The following ST6GALNAC3 variants were observed in gnomAD, a reference collection of about 807,000 sequenced individuals.
The protein encoded by ST6GALNAC3 is alpha-N-acetylgalactosaminide alpha-2,6-sialyltransferase 3.
A neutral mutation model predicts 32.7 loss-of-function variants in ST6GALNAC3; 25 were observed. The ratio of observed to expected loss-of-function variants is 0.76; its 90% CI spans 0.56 to 1.07. The LOEUF is 1.07. Ranked by LOEUF, ST6GALNAC3 falls within the 50% of genes least tolerant of loss-of-function variation. The pLI is 0.00. For synonymous variants in ST6GALNAC3, 129 were observed against 133.1 expected (o/e 0.97, Z 0.21); for missense variants, 355 against 382.4 (o/e 0.93, Z 0.60).
chr1:76,215,060 T>C lies in ST6GALNAC3; in HGVS notation c.19-98745T>C, dbSNP rs55944362. ...GCCTGGAAGGTTTCTAGTAGAATGTTGTGGAGTGGTTCTTCACATTTAGCT... is the reference window on the plus strand; with the variant it reads ...GCCTGGAAGGTTTCTAGTAGAATGTCGTGGAGTGGTTCTTCACATTTAGCT... On this transcript the variant is annotated intron_variant, in intron 1 of 4. Coordinates refer to ENST00000328299, the MANE Select transcript of ST6GALNAC3 (RefSeq NM_152996.4). Among the ~76,000 whole-genome samples the C allele has an allele frequency of 7.5e-3, 1,146 of 152,330 alleles. 7 individuals carry two copies. The highest frequency in any genetic ancestry group is 0.012 in the Non-Finnish European group (810 of 68,034).
intron 3 of ST6GALNAC3, among the ~76,000 whole-genome samples, chr1:76,554,261 C>A (rs1247853097): frequency 6.6e-6 from 1 of 152,124 alleles, no homozygotes. Context: ...TGCCAACTGT[C>A]TCCATATTTG....
In ST6GALNAC3 at chr1:76,181,212, C is replaced by T. The variant is rs950448309; in HGVS notation, c.18+106328C>T. On this transcript the variant is annotated intron_variant, in intron 1 of 4. Transcript: ENST00000328299. Reference sequence around the variant, plus strand: ...AGGTCCTGTGAGAGTCAGGGAACCCCCCTGTTTCACCGTTGTTAATATTGA... The same window carrying T: ...AGGTCCTGTGAGAGTCAGGGAACCCTCCTGTTTCACCGTTGTTAATATTGA... Among the ~76,000 whole-genome samples the T allele has an allele frequency of 2.0e-5, 3 of 152,190 alleles. No homozygotes were observed. In the South Asian group the frequency reaches 6.2e-4, roughly 31 times the overall value.
intron 1 of ST6GALNAC3, among the ~76,000 whole-genome samples, chr1:76,211,799 C>A (rs1026820503): frequency 6.7e-6 from 1 of 149,270 alleles, no homozygotes; most frequent in African/African-American, 2.5e-5. Flanking sequence ...GTGGGGGGAG[C>A]GGGGAGGGAT....
chr1:76,583,813 A>G (rs949626288), intron 3 of ST6GALNAC3, among the ~76,000 whole-genome samples: 2 of 152,190 alleles, frequency 1.3e-5, no homozygotes, highest in Non-Finnish European at 2.9e-5. Context: ...AGTAGAATTA[A>G]TTTTCCTACA....
intron 3 of ST6GALNAC3, among the ~76,000 whole-genome samples, chr1:76,446,350 A>C (rs1015497251): frequency 4.6e-5 from 7 of 152,096 alleles, no homozygotes; most frequent in African/African-American, 1.7e-4. Flanking sequence ...ATCACCCAGC[A>C]TGCAAAGTGT....
chr1:76,636,932 G>A (rs894880893), downstream of ST6GALNAC3: 4 of 152,142 alleles, frequency 2.6e-5, no homozygotes, highest in Non-Finnish European at 2.9e-5. Context: ...TTAGTGTCTA[G>A]TTGGTAAATG....
chr1:76,591,538 T>C (rs914887264), intron 3 of ST6GALNAC3, among the ~76,000 whole-genome samples: 3 of 152,110 alleles, frequency 2.0e-5, no homozygotes, highest in African/African-American at 7.2e-5. Flanking sequence ...AAAATATTTA[T>C]ATATTTATCA....
chr1:76,226,800 G>A (rs1656099239), intron 1 of ST6GALNAC3, among the ~76,000 whole-genome samples: 1 of 152,046 alleles, frequency 6.6e-6, no homozygotes, highest in Non-Finnish European at 1.5e-5. Flanking sequence ...ATTCAGGGAG[G>A]ATCCATCCCG....
intron 3 of ST6GALNAC3, among the ~76,000 whole-genome samples, chr1:76,597,559 C>G (rs992252981): frequency 1.4e-4 from 21 of 152,268 alleles, no homozygotes; most frequent in African/African-American, 5.1e-4. Context: ...CTTTGTTCTA[C>G]TTCCCCACAA....
At chr1:76,173,096 C>T (rs978836739) in intron 1 of ST6GALNAC3, among the ~76,000 whole-genome samples, 4 of 152,172 alleles carry the variant, frequency 2.6e-5, no homozygotes, top group African/African-American at 7.2e-5. Flanking sequence ...TACTACAAGG[C>T]TACAGTAACC....
intron 1 of ST6GALNAC3, among the ~76,000 whole-genome samples, chr1:76,119,658 G>A (rs1225214611): frequency 1.3e-5 from 2 of 152,172 alleles, no homozygotes; most frequent in African/African-American, 2.4e-5. Context: ...CATATTTTAG[G>A]CTGTTTATTT....
intron 1 of ST6GALNAC3, among the ~76,000 whole-genome samples, chr1:76,079,045 G>A (rs1646854891): frequency 6.6e-6 from 1 of 152,174 alleles, no homozygotes; most frequent in South Asian, 2.1e-4. Context: ...GCCTCCCAAA[G>A]TGCTGGGATT....
In ST6GALNAC3 at chr1:76,434,980, G is replaced by A. The variant is rs373458224; in HGVS notation, c.623+22563G>A. The stretch of plus-strand genomic sequence containing the variant: ...TAATTTTTGTATTTTTAGCAGAGAC[G>A]GGGTTTCACCATGTTGGCCAGGCTG... On this transcript the variant is annotated intron_variant, in intron 3 of 4. Transcript: ENST00000328299. Among the ~76,000 whole-genome samples, 9 of 151,660 alleles carry A rather than the reference G, an allele frequency of 5.9e-5. 1 individual carries two copies. The highest frequency in any genetic ancestry group is 4.0e-4 in the East Asian group (2 of 5,038).
chr1:76,462,948 A>G (rs891734009), intron 3 of ST6GALNAC3, among the ~76,000 whole-genome samples: 4 of 152,110 alleles, frequency 2.6e-5, no homozygotes, highest in Non-Finnish European at 5.9e-5. Flanking sequence ...TGTTGGAAAA[A>G]CACTGTCCTA....
intron 3 of ST6GALNAC3, among the ~76,000 whole-genome samples, chr1:76,462,098 C>A (rs1370779590): frequency 2.0e-5 from 3 of 152,054 alleles, no homozygotes; most frequent in East Asian, 1.9e-4. Flanking sequence ...TATGGCAACT[C>A]CCTCCAAACC....
intron 3 of ST6GALNAC3, among the ~76,000 whole-genome samples, chr1:76,558,136 G>C (rs1268413085): frequency 6.6e-6 from 1 of 152,170 alleles, no homozygotes; most frequent in Non-Finnish European, 1.5e-5. Flanking sequence ...CTTATACACT[G>C]TTAGAAGGAA....
At chr1:76,283,886 ATTGT>A (rs761575837) in intron 1 of ST6GALNAC3, among the ~76,000 whole-genome samples, 4 of 152,276 alleles carry the variant, frequency 2.6e-5, no homozygotes, top group Non-Finnish European at 5.9e-5. Context: ...TGGGATTCAA[ATTGT>A]TTGGAAATTT....
At chr1:76,388,515 T>G (rs542257630) in intron 2 of ST6GALNAC3, among the ~76,000 whole-genome samples, 1 of 152,346 alleles carries the variant, frequency 6.6e-6, no homozygotes, top group South Asian at 2.1e-4. Flanking sequence ...TCTGTAAGGT[T>G]CTCACAGTAC....
At chr1:76,186,460 C>T (rs1308522271) in intron 1 of ST6GALNAC3, among the ~76,000 whole-genome samples, 1 of 151,764 alleles carries the variant, frequency 6.6e-6, no homozygotes, top group African/African-American at 2.4e-5. Flanking sequence ...CATAGTAATC[C>T]TGAGGGAAAA....
Sources: gnomAD v4.1 joint callset for allele counts (sites outside exome capture counted in the v4.1 genomes callset) on GRCh38, gnomAD v4.1.1 for gene constraint, MANE v1.5 for transcripts, NCBI Gene and HGNC (gene_info 2026-07-23, HGNC 2026-07-21) for gene names.